TAS2R50: variants seen among roughly 807,000 people sequenced by gnomAD.
The protein encoded by TAS2R50 is taste 2 receptor member 50, also known as taste receptor type 2 member 50.
For synonymous variants in TAS2R50, 140 were observed against 126.9 expected (o/e 1.10, Z -0.70); for missense variants, 372 against 347.0 (o/e 1.07, Z -0.57).
Position 10,986,336 on chromosome 12 carries a change from T to C in TAS2R50, c.525A>G (p.Ser175=), listed in dbSNP as rs66679979. 0.14 allele frequency: 226,944 copies of C among 1,613,836 alleles called. 16,991 individuals carry two copies. The highest frequency in any genetic ancestry group is 0.15 in the Non-Finnish European group (179,985 of 1,179,898). Residue 175 remains serine, a synonymous_variant, in exon 1 of 1, where the codon TCA becomes TCG. Transcript: ENST00000506868. ...KMKLRNTVHL[S]YLTVTTLWSF... Reference sequence around the variant, plus strand: ...TCCATAGGGTAGTTACAGTCAAATATGAAAGATGTACTGTATTCCTCAATT... The same window carrying C: ...TCCATAGGGTAGTTACAGTCAAATACGAAAGATGTACTGTATTCCTCAATT...
the TAS2R50 span, chr12:10,986,044 CAAGATAT>C: frequency 6.2e-7 from 1 of 1,614,020 alleles, no homozygotes; most frequent in South Asian, 1.1e-5. Context: ...GAGTCGAATG[CAAGATAT>C]ATGTTTCCAA....
Position 10,986,704 on chromosome 12 carries a change from C to T in TAS2R50, c.157G>A (p.Val53Ile). ...SADQILTALA[V>I]SRIGLLWALL... The stretch of plus-strand genomic sequence containing the variant: ...GCCCAGAGCAAACCAATTCTGGAGA[C>T]CGCCAGAGCAGTGAGAATTTGGTCA... Residue 53 changes from valine (V) to isoleucine (I), a missense_variant, in exon 1 of 1, where the codon GTC becomes ATC. Val to Ile is a conservative substitution (Grantham distance 29). Coordinates refer to ENST00000506868, the MANE Select transcript of TAS2R50 (RefSeq NM_176890.2). The T allele has an allele frequency of 1.2e-6, 2 of 1,612,448 alleles. No homozygotes were observed. Among genetic ancestry groups the T allele is most frequent in the East Asian group, 2.2e-5 (1 of 44,878 alleles).
the TAS2R50 span, chr12:10,986,842 TG>T: frequency 7.8e-6 from 12 of 1,536,414 alleles, no homozygotes; most frequent in Non-Finnish European, 1.0e-5. Context: ...GAAAAAAAAA[TG>T]TATAGAAAAG....
At position 10,986,452 on chromosome 12, in the gene TAS2R50, A is replaced by G. The variant is rs1939633177; in HGVS notation, c.409T>C (p.Leu137=). The G allele has an allele frequency of 6.2e-7, 1 of 1,613,970 alleles. No homozygotes were observed. The highest frequency in any genetic ancestry group is 1.7e-5 in the Admixed American group (1 of 59,986). ...SVILVILLGT[L]IFLVCHLLVA... ...AGAAGATGACAAACCAAAAATATCA[A>G]AGTCCCCAACAGTATCACCAGAATG... Residue 137 remains leucine (L), a synonymous_variant, in exon 1 of 1, where the codon TTG becomes CTG. Coordinates refer to ENST00000506868, the MANE Select transcript of TAS2R50 (RefSeq NM_176890.2).
rs1939651820 is a variant in TAS2R50 at position 10,986,696 on chromosome 12, T to A, written c.165A>T (p.Arg55Ser). 1 of 1,612,506 alleles carries A rather than the reference T, an allele frequency of 6.2e-7. No homozygotes were observed. The highest frequency in any genetic ancestry group is 8.5e-7 in the Non-Finnish European group (1 of 1,179,704). Residue 55 changes from arginine to serine, a missense_variant, in exon 1 of 1, where the codon AGA becomes AGT. Physicochemically the swap from Arg to Ser is moderately radical, Grantham distance 110. Transcript: ENST00000506868. ...ATAATAATGCCCAGAGCAAACCAATTCTGGAGACCGCCAGAGCAGTGAGAA... is the reference window on the plus strand; with the variant it reads ...ATAATAATGCCCAGAGCAAACCAATACTGGAGACCGCCAGAGCAGTGAGAA... Reference protein sequence around the residue: ...DQILTALAVSRIGLLWALLLN... With the variant: ...DQILTALAVSSIGLLWALLLN...
In TAS2R50 at chr12:10,986,149, A is replaced by G. The variant is rs371634532; in HGVS notation, c.712T>C (p.Cys238Arg). 70 of 1,614,010 alleles carry G rather than the reference A, an allele frequency of 4.3e-5. No homozygotes were observed. The highest frequency in any genetic ancestry group is 5.7e-5 in the Non-Finnish European group (67 of 1,180,024). Residue 238 changes from cysteine to arginine, a missense_variant, in exon 1 of 1, where the codon TGT (cysteine) becomes CGT (arginine). Transcript: ENST00000506868. Reference protein sequence around the residue: ...LQTLISFLLLCAIFFLFLIVS... With the variant: ...LQTLISFLLLRAIFFLFLIVS... ...ATTAGGAATAGAAAGAAAATGGCAC[A>G]TAACAAGAGGAAGGAGATCAGAGTT...
At chr12:10,986,006 CT>C in the TAS2R50 span, 3 of 1,613,772 alleles carry the variant, frequency 1.9e-6, no homozygotes, top group Non-Finnish European at 2.5e-6. Context: ...TGTGTTTTAG[CT>C]TCTTGGTTCT....
rs1343060350 is a variant in TAS2R50 at position 10,986,295 on chromosome 12, G to A, written c.566C>T (p.Thr189Ile). ...CATCAGAAAAGATATCAGGGACAGA[G>A]TAAAGGGTATGAAGCTCCATAGGGT... is the stretch of plus-strand genomic sequence containing the variant. ...VTTLWSFIPF[T>I]LSLISFLMLI... is the part of the protein sequence containing the mutation. Residue 189 changes from threonine to isoleucine, a missense_variant, in exon 1 of 1, where the codon ACT becomes ATT. Transcript: ENST00000506868. The A allele has an allele frequency of 4.3e-6, 7 of 1,613,960 alleles. No homozygotes were observed. The highest frequency in any genetic ancestry group is 4.2e-6 in the Non-Finnish European group (5 of 1,180,020).
At position 10,986,281 on chromosome 12, in the gene TAS2R50, A is replaced by G. The variant is rs1939620997; in HGVS notation, c.580T>C (p.Ser194Pro). 2.5e-6 allele frequency: 4 copies of G among 1,614,110 alleles called. No individual in the cohort carries two copies. Among genetic ancestry groups the G allele is most frequent in the Admixed American group, 3.3e-5 (2 of 60,010 alleles). ...AGAGAACAGATTAGCATCAGAAAAG[A>G]TATCAGGGACAGAGTAAAGGGTATG... The part of the protein sequence containing the change: ...SFIPFTLSLI[S>P]FLMLICSLCK... Residue 194 changes from serine (S) to proline (P), a missense_variant, in exon 1 of 1, where the codon TCT becomes CCT. Transcript: ENST00000506868.
Position 10,986,534 on chromosome 12 carries a change from C to T in TAS2R50, c.327G>A (p.Lys109=). ...AAAGAAGGTTGGAGAAATTGGCAAT[C>T]TTGAGCAAATAAAATATGCTGAGGT... ...AANLSIFYLL[K]IANFSNLLFL... is the part of the protein sequence containing the mutation. Residue 109 remains lysine (K), a synonymous_variant, in exon 1 of 1, where the codon AAG becomes AAA. Transcript: ENST00000506868. 6.2e-7 allele frequency: 1 copy of T among 1,614,060 alleles called. No homozygotes were observed. The highest frequency in any genetic ancestry group is 8.5e-7 in the Non-Finnish European group (1 of 1,180,000).
At position 10,986,650 on chromosome 12, in the gene TAS2R50, A is replaced by G; in HGVS notation, c.211T>C (p.Leu71=). 1 of 1,613,082 alleles carries G rather than the reference A, an allele frequency of 6.2e-7. No homozygotes were observed. The highest frequency in any genetic ancestry group is 8.5e-7 in the Non-Finnish European group (1 of 1,179,802). The change falls in exon 1 of 1, where the codon TTG becomes CTG. Residue 71 remains leucine, a synonymous_variant. Transcript: ENST00000506868. ...ALLLNWYLTV[L]NPAFYSVELR... is the part of the protein sequence containing the mutation. ...TCTACACTATAAAAAGCTGGATTCA[A>G]CACAGTTAAATACCAATTTAATAAT...
In TAS2R50 at chr12:10,986,632, T is replaced by G; in HGVS notation, c.229A>C (p.Ser77Arg). The change falls in exon 1 of 1, where the codon AGT (serine) becomes CGT (arginine). Residue 77 changes from serine to arginine, a missense_variant. Coordinates refer to ENST00000506868, the MANE Select transcript of TAS2R50 (RefSeq NM_176890.2). ...TAAGAAGTAATTCTTAATTCTACAC[T>G]ATAAAAAGCTGGATTCAACACAGTT... is the stretch of plus-strand genomic sequence containing the variant. ...YLTVLNPAFY[S>R]VELRITSYNA... is the part of the protein sequence containing the mutation. 1 of 1,613,362 alleles carries G rather than the reference T, an allele frequency of 6.2e-7. No homozygotes were observed. The highest frequency in any genetic ancestry group is 8.5e-7 in the Non-Finnish European group (1 of 1,179,856).
rs77580816 is a variant in TAS2R50 at position 10,986,262 on chromosome 12, C to G, written c.599G>C (p.Cys200Ser). The G allele has an allele frequency of 7.4e-4, 1,191 of 1,614,060 alleles. 11 individuals carry two copies. The East Asian group carries it at 0.021, about 28-fold the overall frequency. ...LSLISFLMLI[C>S]SLCKHLKKMQ... ...CTTCTTGAGATGTTTACACAGAGAA[C>G]AGATTAGCATCAGAAAAGATATCAG... The change falls in exon 1 of 1, where the codon TGT becomes TCT. Residue 200 changes from cysteine (C) to serine (S), a missense_variant. Cys to Ser is a moderately radical substitution (Grantham distance 112). Transcript: ENST00000506868.
At chr12:10,986,156 GA>G in the TAS2R50 span, 1 of 1,614,046 alleles carries the variant, frequency 6.2e-7, no homozygotes, top group Non-Finnish European at 8.5e-7. Flanking sequence ...CACATAACAA[GA>G]GGAAGGAGAT....
Position 10,986,774 on chromosome 12 carries a change from C to G in TAS2R50, c.87G>C (p.Leu29=), listed in dbSNP as rs151058158. Residue 29 remains leucine (L), a synonymous_variant, in exon 1 of 1, where the codon CTG becomes CTC. Transcript: ENST00000506868. ...TCTTCACCCAGTCAATGAAATTTAC[C>G]AGTGCTATGAAGCCATTGGCAAAGT... ...LGNFANGFIA[L]VNFIDWVKRK... 7.9e-4 allele frequency: 1,277 copies of G among 1,606,696 alleles called. 11 individuals carry two copies. In the African/African-American group the frequency reaches 0.016, roughly 20 times the overall value.
rs974764946 is a variant in TAS2R50 at position 10,986,831 on chromosome 12, T to G, written c.30A>C (p.Ser10=). 4.0e-5 allele frequency: 62 copies of G among 1,542,774 alleles called. 1 individual carries two copies. The East Asian group carries it at 1.3e-3, about 32-fold the overall frequency. Residue 10 remains serine, a synonymous_variant, in exon 1 of 1, where the codon TCA becomes TCC. Transcript: ENST00000506868. MITFLYIFF[S]ILIMVLFVLG... ...GAACAAATAAAACCATTATTAGAAT[T>G]GAAAAAAAAATGTATAGAAAAGTTA... is the stretch of plus-strand genomic sequence containing the variant.
At position 10,985,940 on chromosome 12, in the gene TAS2R50, T is replaced by G; in HGVS notation, c.*21A>C. On this transcript the variant is annotated 3_prime_UTR_variant, in exon 1 of 1. Transcript: ENST00000506868. ...TGTCCCACTTGTGAATCTAGAGAGT[T>G]GAGAGTTTCAGGTCTTTTACTCAGC... 2 of 1,583,136 alleles carry G rather than the reference T, an allele frequency of 1.3e-6. No individual in the cohort carries two copies. Among genetic ancestry groups the G allele is most frequent in the Non-Finnish European group, 1.7e-6 (2 of 1,166,308 alleles).
In TAS2R50 at chr12:10,986,199, G is replaced by A; in HGVS notation, c.662C>T (p.Thr221Ile). 1 of 1,614,066 alleles carries A rather than the reference G, an allele frequency of 6.2e-7. No individual in the cohort carries two copies. The highest frequency in any genetic ancestry group is 1.1e-5 in the South Asian group (1 of 91,072). The change falls in exon 1 of 1, where the codon ACC becomes ATC. Residue 221 changes from threonine (T) to isoleucine (I), a missense_variant. Thr to Ile is a moderately conservative substitution (Grantham distance 89). Coordinates refer to ENST00000506868, the MANE Select transcript of TAS2R50 (RefSeq NM_176890.2). ...TTGCAAAGCTTTTATGTGGACCTTG[G>A]TGCTGAGATCTTGCGATCCTTCTCC... ...LHGEGSQDLS[T>I]KVHIKALQTL...
In TAS2R50 at chr12:10,986,082, A is replaced by G. The variant is rs1939605250; in HGVS notation, c.779T>C (p.Val260Ala). 6.2e-7 allele frequency: 1 copy of G among 1,613,990 alleles called. No individual in the cohort carries two copies. Among genetic ancestry groups the G allele is most frequent in the African/African-American group, 1.3e-5 (1 of 74,874 alleles). ...WSPRRLRNDP[V>A]VMVSKAVGNI... is the part of the protein sequence containing the mutation. ...TCCAACAGCCTTGCTAACCATGACAACCGGGTCATTCCGCAGCCTCCTAGG... is the reference window on the plus strand; with the variant it reads ...TCCAACAGCCTTGCTAACCATGACAGCCGGGTCATTCCGCAGCCTCCTAGG... The change falls in exon 1 of 1, where the codon GTT becomes GCT. Residue 260 changes from valine to alanine, a missense_variant. By Grantham distance (64) the Val-to-Ala change is moderately conservative. Coordinates refer to ENST00000506868, the MANE Select transcript of TAS2R50 (RefSeq NM_176890.2).
Sources: allele counts gnomAD v4.1 joint callset, GRCh38; gene constraint gnomAD v4.1.1; transcripts MANE v1.5; gene names NCBI Gene and HGNC (gene_info 2026-07-23, HGNC 2026-07-21).